TXNRD1: variants seen among roughly 807,000 people sequenced by gnomAD.
TXNRD1 encodes the protein thioredoxin reductase 1.
A neutral mutation model predicts 80.3 loss-of-function variants in TXNRD1; 57 were observed. The ratio of observed to expected loss-of-function variants is 0.71; its 90% confidence interval spans 0.57 to 0.89. TXNRD1 has a LOEUF of 0.89. Among genes scored for constraint, TXNRD1 ranks in the 40% least tolerant of loss-of-function variants. TXNRD1 has a pLI of 0.00. For missense variants in TXNRD1, 730 were observed against 803.0 expected (o/e 0.91, Z 1.10); for synonymous variants, 291 against 285.2 (o/e 1.02, Z -0.20).
chr12:104,346,640 C>G (rs951461263), intron 16 of TXNRD1, among the ~76,000 whole-genome samples: 1 of 152,116 alleles, frequency 6.6e-6, no homozygotes, highest in African/African-American at 2.4e-5. Flanking sequence ...ATTGTTTCCC[C>G]GTCCTCATCT....
In TXNRD1 at chr12:104,327,546, CA is replaced by C; in HGVS notation, c.1418del (p.Gln473ArgfsTer103). The C allele has an allele frequency of 6.2e-7, 1 of 1,613,458 alleles. No homozygotes were observed. On this transcript the variant is annotated frameshift_variant, in exon 13 of 17. Coordinates refer to ENST00000525566, the MANE Select transcript of TXNRD1 (RefSeq NM_001093771.3). LOFTEE classifies it high-confidence loss of function. ...TGKIPVTDEEQTNVPYIYAIG... is the reference protein window; with the variant it reads ...TGKIPVTDEEXTNVPYIYAIG... ...AAAAATACCTGTCACAGATGAAGAA[CA>C]GACCAATGTGCCTTACATCTATGCC...
chr12:104,282,541 C>T (rs1039043480), intron 3 of TXNRD1, among the ~76,000 whole-genome samples: 31 of 152,192 alleles, frequency 2.0e-4, no homozygotes, highest in Admixed American at 5.2e-4. Context: ...GCTCAAGCAT[C>T]ACATTCTGAG....
chr12:104,277,235 C>CA (rs569575459), intron 3 of TXNRD1, among the ~76,000 whole-genome samples: 45,662 of 141,506 alleles, frequency 0.32, 7,812 homozygotes, highest in Non-Finnish European at 0.4. Flanking sequence ...ACTAAAAATA[C>CA]AAAAAAAAAA....
Position 104,348,504 on chromosome 12 carries a change from G to T in TXNRD1, c.*83G>T. On this transcript the variant is annotated 3_prime_UTR_variant, in exon 17 of 17. Transcript: ENST00000525566. Reference sequence around the variant, plus strand: ...AATCCAAGGCGAAGTTTTCTAGAGGGTTCTTGGGCTCTTGGCACCTGCGTG... The same window carrying T: ...AATCCAAGGCGAAGTTTTCTAGAGGTTTCTTGGGCTCTTGGCACCTGCGTG... 1 of 1,395,004 alleles carries T rather than the reference G, an allele frequency of 7.2e-7. No individual in the cohort carries two copies. The highest frequency in any genetic ancestry group is 1.4e-5 in the African/African-American group (1 of 70,632). 86.4% of individuals were successfully genotyped at this position (1,395,004 alleles called of 1,614,324 possible). A position where few individuals can be genotyped will look rare whatever the true frequency, so the allele number is the denominator to read the frequency against.
chr12:104,267,740 C>CT (rs2033561550), intron 3 of TXNRD1, among the ~76,000 whole-genome samples: 2 of 118,964 alleles, frequency 1.7e-5, no homozygotes, highest in Non-Finnish European at 3.6e-5. Flanking sequence ...TCTTTCCTTT[C>CT]TTCCTTCCTT....
intron 1 of TXNRD1, among the ~76,000 whole-genome samples, chr12:104,227,670 C>T (rs1010252950): frequency 6.6e-6 from 1 of 152,188 alleles, no homozygotes; most frequent in Non-Finnish European, 1.5e-5. Flanking sequence ...TTTGTGGTTA[C>T]AGCCTCCCCA....
chr12:104,305,386 A>G (rs2034862911), intron 4 of TXNRD1, among the ~76,000 whole-genome samples: 1 of 152,172 alleles, frequency 6.6e-6, no homozygotes, highest in Non-Finnish European at 1.5e-5. Context: ...TCTGTAAGGC[A>G]GTGAATATGC....
At chr12:104,294,810 C>T (rs549070143) in intron 4 of TXNRD1, among the ~76,000 whole-genome samples, 15 of 152,282 alleles carry the variant, frequency 9.9e-5, no homozygotes, top group Middle Eastern at 3.4e-3. Flanking sequence ...TTACCAGAAA[C>T]CAGAATCTTA....
chr12:104,342,023 C>T (rs1011362186), intron 16 of TXNRD1, among the ~76,000 whole-genome samples: 2 of 152,174 alleles, frequency 1.3e-5, no homozygotes, highest in African/African-American at 4.8e-5. Flanking sequence ...AACAGAGCTT[C>T]CATGTCCTCT....
intron 3 of TXNRD1, among the ~76,000 whole-genome samples, chr12:104,260,487 A>C (rs79576868): frequency 1.5e-5 from 2 of 132,596 alleles, no homozygotes; most frequent in Non-Finnish European, 3.3e-5. Context: ...ACAAAAAAAA[A>C]ACACAAAAAA....
chr12:104,220,746 G>T (rs560343140), intron 1 of TXNRD1, among the ~76,000 whole-genome samples: 12 of 150,294 alleles, frequency 8.0e-5, no homozygotes, highest in African/African-American at 2.7e-4. Context: ...AAAACGGTGG[G>T]GGGGAGGCGG....
chr12:104,283,801 C>T (rs905082456), intron 3 of TXNRD1, among the ~76,000 whole-genome samples: 1 of 152,094 alleles, frequency 6.6e-6, no homozygotes, highest in Non-Finnish European at 1.5e-5. Flanking sequence ...ACCTGAGAGG[C>T]GGAGGCTGCG....
intron 16 of TXNRD1, among the ~76,000 whole-genome samples, chr12:104,345,165 G>T (rs987829633): frequency 6.6e-6 from 1 of 152,178 alleles, no homozygotes; most frequent in Admixed American, 6.5e-5. Flanking sequence ...ATAAACAATG[G>T]TGTTTTAATT....
intron 13 of TXNRD1, among the ~76,000 whole-genome samples, 197 bp from the exon 14 acceptor site, chr12:104,331,337 A>G (rs1015072058): frequency 5.3e-5 from 8 of 152,204 alleles, no homozygotes; most frequent in Non-Finnish European, 8.8e-5. Context: ...TCACACTTCT[A>G]TCCACTAAAC....
chr12:104,339,484 A>C, intron 16 of TXNRD1: 1 of 734,386 alleles, frequency 1.4e-6, no homozygotes, highest in Admixed American at 1.8e-5. Context: ...AGTGGTAAAA[A>C]TTATGAGAGT....
chr12:104,261,582 C>T (rs2033369881), intron 3 of TXNRD1, among the ~76,000 whole-genome samples: 1 of 152,130 alleles, frequency 6.6e-6, no homozygotes, highest in Non-Finnish European at 1.5e-5. Context: ...TATTAAATTT[C>T]TCCTTTTCCA....
chr12:104,329,631 G>C (rs763080539), intron 13 of TXNRD1, among the ~76,000 whole-genome samples: 1 of 151,488 alleles, frequency 6.6e-6, no homozygotes, highest in Non-Finnish European at 1.5e-5. Flanking sequence ...CTGGGCATCA[G>C]AGTAAGACCC....
At chr12:104,327,747 G>T in intron 13 of TXNRD1, 76 bp downstream of exon 13, 1 of 1,497,692 alleles carries the variant, frequency 6.7e-7, no homozygotes, top group South Asian at 1.3e-5. Flanking sequence ...GGGCAGTTGG[G>T]AAGTTTCGCA....
intron 4 of TXNRD1, among the ~76,000 whole-genome samples, chr12:104,311,039 AT>A (rs2035114898): frequency 1.3e-5 from 2 of 152,234 alleles, no homozygotes; most frequent in African/African-American, 2.4e-5. Flanking sequence ...TGGTTTACTT[AT>A]GTAGAGGTAC....
Sources: allele counts gnomAD v4.1 joint callset (sites outside exome capture counted in the v4.1 genomes callset), GRCh38; gene constraint gnomAD v4.1.1; transcripts MANE v1.5; gene names NCBI Gene and HGNC (gene_info 2026-07-23, HGNC 2026-07-21).